The following CEP63 variants were observed in gnomAD, a reference collection of about 807,000 sequenced individuals.
The protein encoded by CEP63 is centrosomal protein 63, also known as centrosomal protein of 63 kDa.
CEP63 carries 84 observed loss-of-function variants against 89.1 expected under a neutral mutation model. That is an observed-to-expected ratio of 0.94 (90% CI 0.79 to 1.13). The LOEUF is 1.13. CEP63 is among the 50% of genes most tolerant of loss of function. The pLI, the probability that CEP63 is intolerant of heterozygous loss-of-function variation, is 0.00. For synonymous variants in CEP63, 267 were observed against 272.5 expected (o/e 0.98, Z 0.20); for missense variants, 838 against 813.3 (o/e 1.03, Z -0.37).
chr3:134,577,777 C>T (rs1958249830), downstream of CEP63, among the ~76,000 whole-genome samples: 1 of 152,052 alleles, frequency 6.6e-6, no homozygotes, highest in African/African-American at 2.4e-5. Context: ...ATCTTTCCGT[C>T]CACCCCCGCG....
intron 2 of CEP63, among the ~76,000 whole-genome samples, chr3:134,500,087 A>G (rs1941508367): frequency 6.6e-6 from 1 of 151,926 alleles, no homozygotes; most frequent in Admixed American, 6.6e-5. Context: ...CAGCCTCCCA[A>G]AGTGCTGGGA....
chr3:134,602,986 T>C, the CEP63 span, among the ~76,000 whole-genome samples: 37 of 152,294 alleles, frequency 2.4e-4, 1 homozygote, highest in South Asian at 7.7e-3. Flanking sequence ...CCACACCCTT[T>C]TTCTTGGGCT....
At chr3:134,658,479 G>T in the CEP63 span, among the ~76,000 whole-genome samples, 1 of 152,104 alleles carries the variant, frequency 6.6e-6, no homozygotes, top group Non-Finnish European at 1.5e-5. Flanking sequence ...AGGGCCAGGG[G>T]GCCAGGTCAT....
chr3:134,744,380 G>C, the CEP63 span, among the ~76,000 whole-genome samples: 8 of 152,228 alleles, frequency 5.3e-5, no homozygotes, highest in Non-Finnish European at 1.2e-4. Context: ...AGAAGGATGT[G>C]GTTTTAAGAT....
the CEP63 span, chr3:134,643,177 G>C: frequency 1.2e-5 from 8 of 692,106 alleles, no homozygotes; most frequent in East Asian, 2.2e-4. Flanking sequence ...AGAGGAAAAG[G>C]GTTTTCCAAC....
At chr3:134,506,525 C>T (rs1358365234) in intron 2 of CEP63, among the ~76,000 whole-genome samples, 2 of 152,158 alleles carry the variant, frequency 1.3e-5, no homozygotes, top group African/African-American at 4.8e-5. Flanking sequence ...CTTAAAACAT[C>T]AATCTTGTGC....
the CEP63 span, chr3:134,604,302 G>T: frequency 6.2e-7 from 1 of 1,614,014 alleles, no homozygotes; most frequent in Non-Finnish European, 8.5e-7. Flanking sequence ...AGATGTCGGA[G>T]TTGCCCTTGG....
At chr3:134,584,452 T>C (rs1451427023) in intron 10 of CEP63, among the ~76,000 whole-genome samples, 1 of 152,216 alleles carries the variant, frequency 6.6e-6, no homozygotes, top group Admixed American at 6.5e-5. Flanking sequence ...TTTTTGTCGT[T>C]GGTTCTGTTT....
the CEP63 span, among the ~76,000 whole-genome samples, chr3:134,640,512 T>C: frequency 2.6e-5 from 4 of 152,142 alleles, no homozygotes; most frequent in African/African-American, 9.7e-5. Flanking sequence ...GTCCCACCTC[T>C]GGTCAACGCT....
chr3:134,548,548 C>A (rs1954112236), intron 9 of CEP63, among the ~76,000 whole-genome samples: 1 of 152,150 alleles, frequency 6.6e-6, no homozygotes, highest in Non-Finnish European at 1.5e-5. Flanking sequence ...TGTACACTGA[C>A]ATTTTCTGTA....
the CEP63 span, among the ~76,000 whole-genome samples, chr3:134,615,731 A>G: frequency 6.6e-6 from 1 of 152,158 alleles, no homozygotes; most frequent in Non-Finnish European, 1.5e-5. Flanking sequence ...GTGATAATTT[A>G]AGGTTATCCA....
chr3:134,709,540 T>C, the CEP63 span, among the ~76,000 whole-genome samples: 1 of 152,260 alleles, frequency 6.6e-6, no homozygotes, highest in Admixed American at 6.5e-5. Flanking sequence ...GCGACATCTA[T>C]TTATTCTGAT....
intron 10 of CEP63, among the ~76,000 whole-genome samples, chr3:134,583,390 C>T (rs1958408819): frequency 1.3e-5 from 2 of 152,116 alleles, no homozygotes; most frequent in African/African-American, 4.8e-5. Flanking sequence ...TTTCAGCTTT[C>T]TACATATGGC....
the CEP63 span, among the ~76,000 whole-genome samples, chr3:134,770,939 G>A: frequency 6.6e-6 from 1 of 152,166 alleles, no homozygotes; most frequent in South Asian, 2.1e-4. Context: ...ACAATGATAA[G>A]ATTTATACAA....
the CEP63 span, chr3:134,650,796 C>T: frequency 3.9e-6 from 6 of 1,541,234 alleles, no homozygotes; most frequent in Non-Finnish European, 5.2e-6. Context: ...TGCCGGGGGA[C>T]CCGGGGACCC....
At chr3:134,755,801 G>A in the CEP63 span, 1 of 152,266 alleles carries the variant, frequency 6.6e-6, no homozygotes, top group African/African-American at 2.4e-5. Flanking sequence ...AAAGAGCTGT[G>A]AGAACTGACT....
chr3:134,698,411 G>A, the CEP63 span, among the ~76,000 whole-genome samples: 1 of 152,212 alleles, frequency 6.6e-6, no homozygotes, highest in Non-Finnish European at 1.5e-5. Flanking sequence ...GAGTGAAGGG[G>A]GGCGGGATGT....
the CEP63 span, among the ~76,000 whole-genome samples, chr3:134,721,390 C>G: frequency 0.62 from 94,468 of 151,878 alleles, 30,774 homozygotes; most frequent in East Asian, 0.78. Flanking sequence ...TCTTAGGATT[C>G]CTGTGTACAG....
At chr3:134,621,591 A>T in the CEP63 span, among the ~76,000 whole-genome samples, 4 of 152,236 alleles carry the variant, frequency 2.6e-5, no homozygotes, top group Admixed American at 6.5e-5. Context: ...ACTCAAATAT[A>T]AGAGCTTAAA....
Sources: allele counts gnomAD v4.1 joint callset (sites outside exome capture counted in the v4.1 genomes callset), GRCh38; gene constraint gnomAD v4.1.1; transcripts MANE v1.5; gene names NCBI Gene and HGNC (gene_info 2026-07-23, HGNC 2026-07-21).